ROR1: variants seen among roughly 807,000 people sequenced by gnomAD.
ROR1 encodes inactive tyrosine-protein kinase transmembrane receptor ROR1.
In ROR1, 19 loss-of-function variants were observed where a neutral mutation model predicts 78.8. That is an observed-to-expected ratio of 0.24 (90% confidence interval 0.17 to 0.35). The LOEUF is 0.35. Among genes scored for constraint, ROR1 ranks in the 10% least tolerant of loss-of-function variants. The pLI is 1.00. For missense variants in ROR1, 917 were observed against 1,177.8 expected, an observed-to-expected ratio of 0.78 and a Z score of 3.24; for synonymous variants, 386 against 433.6, an observed-to-expected ratio of 0.89 and a Z score of 1.36.
chr1:63,872,548 T>C (rs1050031709), intron 1 of ROR1, among the ~76,000 whole-genome samples: 4 of 152,154 alleles, frequency 2.6e-5, no homozygotes, highest in African/African-American at 9.7e-5. Context: ...TGGTGTTCCC[T>C]AAAGGATAGA....
intron 7 of ROR1, among the ~76,000 whole-genome samples, chr1:64,151,537 T>C (rs1036266818): frequency 5.3e-5 from 8 of 152,116 alleles, no homozygotes; most frequent in African/African-American, 1.7e-4. Flanking sequence ...CATCACTGAC[T>C]TTAAATCGCT....
rs377196778 is a variant in ROR1 at position 63,857,379 on chromosome 1, A to G, written c.91+82871A>G. Among the ~76,000 whole-genome samples, 190 of 152,342 alleles carry G rather than the reference A, an allele frequency of 1.2e-3. 7 individuals carry two copies. In the South Asian group the frequency reaches 0.037, roughly 30 times the overall value. On this transcript the variant is annotated intron_variant, in intron 1 of 8. Transcript: ENST00000371079. ...AAGGGACCAAGAATAGAATAGCCAT[A>G]TTCTATAAACAAACAAAATGAAGAC...
rs1442363939 is a variant in ROR1 at position 64,178,432 on chromosome 1, A to G, written c.2391A>G (p.Thr797=). 6.2e-7 allele frequency: 1 copy of G among 1,614,108 alleles called. No individual in the cohort carries two copies. The highest frequency in any genetic ancestry group is 2.2e-5 in the East Asian group (1 of 44,872). Residue 797 remains threonine, a synonymous_variant, in exon 9 of 9, where the codon ACA becomes ACG. Coordinates refer to ENST00000371079, the MANE Select transcript of ROR1 (RefSeq NM_005012.4). The surrounding 1 kb of genome is among the most constrained non-coding windows in gnomAD (Gnocchi z 4.3). Reference sequence around the variant, plus strand: ...ACATGTTCCCGAGCCAGGGTATTACACCACAGGGCCAGATTGCTGGTTTCA... The same window carrying G: ...ACATGTTCCCGAGCCAGGGTATTACGCCACAGGGCCAGATTGCTGGTTTCA... ...PNYMFPSQGI[T]PQGQIAGFIG...
intron 1 of ROR1, among the ~76,000 whole-genome samples, chr1:63,793,614 G>A (rs1644739985): frequency 6.6e-6 from 1 of 152,242 alleles, no homozygotes; most frequent in Non-Finnish European, 1.5e-5. Flanking sequence ...AGGGACCTGG[G>A]TGCTTGCTCT....
intron 1 of ROR1, among the ~76,000 whole-genome samples, chr1:63,869,020 C>A (rs1645234933): frequency 6.6e-6 from 1 of 152,156 alleles, no homozygotes; most frequent in South Asian, 2.1e-4. Context: ...CCCCCACAAC[C>A]TTCTCTGAAC....
chr1:63,874,778 A>G (rs1036683520), intron 1 of ROR1, among the ~76,000 whole-genome samples: 8 of 152,126 alleles, frequency 5.3e-5, no homozygotes, highest in African/African-American at 1.7e-4. Flanking sequence ...TTCCTTGTCC[A>G]GGTCAAACAG....
intron 4 of ROR1, among the ~76,000 whole-genome samples, chr1:64,079,895 T>A (rs1175217179): frequency 2.6e-5 from 4 of 152,122 alleles, no homozygotes; most frequent in Non-Finnish European, 5.9e-5. Context: ...CATGCTCTAG[T>A]TTGAGAAAAA....
chr1:64,021,030 T>TA (rs35695263), intron 2 of ROR1, among the ~76,000 whole-genome samples: 70,656 of 147,610 alleles, frequency 0.48, 17,447 homozygotes, highest in East Asian at 0.67. Context: ...CTTATTTGCT[T>TA]AAAAAAAAAA....
Position 63,934,446 on chromosome 1 carries a change from A to G in ROR1, c.92-74859A>G, listed in dbSNP as rs188913552. Among the ~76,000 whole-genome samples the G allele has an allele frequency of 2.0e-5, 3 of 152,316 alleles. No individual in the cohort carries two copies. In the East Asian group the frequency reaches 5.8e-4, roughly 29 times the overall value. Reference sequence around the variant, plus strand: ...ATCAGACCCATACAATCTTCAGCATAGTACCTGGCTCCTGTAGTAAGCATA... The same window carrying G: ...ATCAGACCCATACAATCTTCAGCATGGTACCTGGCTCCTGTAGTAAGCATA... On this transcript the variant is annotated intron_variant, in intron 1 of 8. Transcript: ENST00000371079.
At position 63,937,896 on chromosome 1, in the gene ROR1, G is replaced by A. The variant is rs186623938; in HGVS notation, c.92-71409G>A. The stretch of plus-strand genomic sequence containing the variant: ...GTTGCTGTAGAGCCCGTGTAGACAG[G>A]CATTTAGACTTGATCACACATTCAG... On this transcript the variant is annotated intron_variant, in intron 1 of 8. Coordinates refer to ENST00000371079, the MANE Select transcript of ROR1 (RefSeq NM_005012.4). 3.3e-3 allele frequency among the ~76,000 whole-genome samples: 509 copies of A among 152,234 alleles called. 4 individuals are homozygous for A. The highest frequency in any genetic ancestry group is 0.012 in the African/African-American group (490 of 41,548).
intron 4 of ROR1, among the ~76,000 whole-genome samples, chr1:64,053,705 T>A (rs1646851465): frequency 6.6e-6 from 1 of 152,232 alleles, no homozygotes; most frequent in South Asian, 2.1e-4. Flanking sequence ...GTGTTTTAAA[T>A]GATTAAGAGC....
chr1:63,922,857 T>C (rs1645668604), intron 1 of ROR1, among the ~76,000 whole-genome samples: 1 of 152,186 alleles, frequency 6.6e-6, no homozygotes, highest in South Asian at 2.1e-4. Flanking sequence ...AGTCTTGGTT[T>C]TTCCAGCTCC....
intron 1 of ROR1, among the ~76,000 whole-genome samples, chr1:63,987,746 A>G (rs1179611563): frequency 6.6e-6 from 1 of 152,174 alleles, no homozygotes; most frequent in African/African-American, 2.4e-5. Flanking sequence ...TTAGCTATTT[A>G]CATTCCTCTA....
At chr1:63,836,708 CA>C (rs945799390) in intron 1 of ROR1, among the ~76,000 whole-genome samples, 8 of 152,326 alleles carry the variant, frequency 5.3e-5, no homozygotes, top group Admixed American at 4.6e-4. Flanking sequence ...AAGAGGTTAA[CA>C]TTCTGCATGT....
At chr1:63,904,804 G>T (rs1476597985) in intron 1 of ROR1, among the ~76,000 whole-genome samples, 2 of 152,130 alleles carry the variant, frequency 1.3e-5, no homozygotes, top group African/African-American at 4.8e-5. Flanking sequence ...AGCCAAGGAG[G>T]GAAGCTTCAG....
intron 1 of ROR1, among the ~76,000 whole-genome samples, chr1:63,799,205 C>G (rs1644780728): frequency 6.6e-6 from 1 of 151,908 alleles, no homozygotes; most frequent in Non-Finnish European, 1.5e-5. Context: ...AGTAGGTGTT[C>G]AAGTCACTTT....
chr1:64,163,484 GTGAGA>G (rs1650003756), intron 8 of ROR1, among the ~76,000 whole-genome samples: 1 of 152,124 alleles, frequency 6.6e-6, no homozygotes, highest in African/African-American at 2.4e-5. Flanking sequence ...GGCCAGGGGT[GTGAGA>G]TGCAGCCAAA....
intron 4 of ROR1, among the ~76,000 whole-genome samples, chr1:64,074,806 G>A (rs1378175731): frequency 6.6e-6 from 1 of 152,164 alleles, no homozygotes; most frequent in African/African-American, 2.4e-5. Flanking sequence ...CTTAATAACT[G>A]AGCAACAATG....
At chr1:63,791,299 C>T (rs1406762452) in intron 1 of ROR1, among the ~76,000 whole-genome samples, 3 of 152,008 alleles carry the variant, frequency 2.0e-5, no homozygotes, top group Non-Finnish European at 1.5e-5. Flanking sequence ...AATGCAGGCT[C>T]CTGTTAGAGT....
Sources: allele counts gnomAD v4.1 joint callset (sites outside exome capture counted in the v4.1 genomes callset), GRCh38; gene constraint gnomAD v4.1.1; non-coding constraint Gnocchi (gnomAD v3.1); transcripts MANE v1.5; gene names NCBI Gene and HGNC (gene_info 2026-07-23, HGNC 2026-07-21).